Variants in LSP1 observed in about 807,000 individuals in gnomAD.
The protein encoded by LSP1 is lymphocyte-specific protein 1.
LSP1 carries 32 observed loss-of-function variants against 49.3 expected under a neutral mutation model. The ratio of observed to expected loss-of-function variants is 0.65; its 90% CI spans 0.49 to 0.87. The LOEUF (loss-of-function observed/expected upper bound fraction) is 0.87. LSP1 is among the 40% of genes least tolerant of loss of function. LSP1 has a pLI of 0.00. For synonymous variants in LSP1, 179 were observed against 178.8 expected, an observed-to-expected ratio of 1.00 and a Z score of -0.01; for missense variants, 428 against 442.6, an observed-to-expected ratio of 0.97 and a Z score of 0.30.
intron 10 of LSP1, chr11:1,890,849 G>T (rs1848969856): frequency 3.9e-6 from 2 of 518,784 alleles, no homozygotes; most frequent in Admixed American, 3.2e-5. Context: ...GCTAGAACCT[G>T]CCTCCAGGGC....
At chr11:1,872,878 C>T (rs1203604562) in intron 1 of LSP1, among the ~76,000 whole-genome samples, 2 of 152,038 alleles carry the variant, frequency 1.3e-5, no homozygotes, top group Non-Finnish European at 1.5e-5. Flanking sequence ...TCAGGGCCCT[C>T]ATGCAGCACT....
chr11:1,854,750 G>A (rs893887676), intron 1 of LSP1, among the ~76,000 whole-genome samples: 6 of 152,150 alleles, frequency 3.9e-5, no homozygotes, highest in African/African-American at 1.4e-4. Flanking sequence ...TGTCCCAGCT[G>A]CAAAACGGGC....
intron 1 of LSP1, among the ~76,000 whole-genome samples, chr11:1,864,751 C>T (rs1196360121): frequency 6.6e-6 from 1 of 151,734 alleles, no homozygotes. Context: ...GACACAGGGA[C>T]CAGGCTGCCT....
At chr11:1,871,967 C>CCT (rs1848035529) in intron 1 of LSP1, among the ~76,000 whole-genome samples, 1 of 115,464 alleles carries the variant, frequency 8.7e-6, no homozygotes, top group Admixed American at 9.2e-5. Context: ...GTCACCCTGG[C>CCT]GCACGCTGGT....
chr11:1,883,619 T>G (rs1848639850), intron 4 of LSP1, 59 bp downstream of exon 4: 1 of 1,543,958 alleles, frequency 6.5e-7, no homozygotes, highest in African/African-American at 1.4e-5. Flanking sequence ...GAGTCTGCCT[T>G]GGCTGTCTGC....
chr11:1,884,203 G>T lies in LSP1; in HGVS notation c.592-77G>T. On this transcript the variant is annotated intron_variant, in intron 5 of 10. Transcript: ENST00000311604. The surrounding 1 kb of genome is among the most constrained non-coding windows in gnomAD (Gnocchi z 4.1). ...ATAAGGGTTGGGGGTTGGATTAGTGGTTGGAGTAGCTGGGGAGATGGAGGG... is the reference window on the plus strand; with the variant it reads ...ATAAGGGTTGGGGGTTGGATTAGTGTTTGGAGTAGCTGGGGAGATGGAGGG... 1 of 1,557,890 alleles carries T rather than the reference G, an allele frequency of 6.4e-7. No homozygotes were observed. The highest frequency in any genetic ancestry group is 1.7e-5 in the Admixed American group (1 of 59,926).
intron 1 of LSP1, chr11:1,871,529 G>C (rs1848008281): frequency 1.1e-6 from 1 of 951,246 alleles, no homozygotes; most frequent in Non-Finnish European, 1.3e-6. Context: ...GGGAAGCCAG[G>C]GGTAGAGGGG....
At chr11:1,853,346 G>A (rs1039060253) in intron 1 of LSP1, 149 bp downstream of exon 1, 25 of 794,052 alleles carry the variant, frequency 3.1e-5, no homozygotes, top group Middle Eastern at 2.9e-4. Flanking sequence ...GGAAACTGGG[G>A]ACCCACAGAC....
chr11:1,887,195 C>T (rs1245824702), intron 8 of LSP1, 42 bp from the exon 9 acceptor site: 2 of 1,394,874 alleles, frequency 1.4e-6, no homozygotes, highest in Admixed American at 2.0e-5. Context: ...TCCCCAAGAT[C>T]CAGGGGTCTG....
chr11:1,883,868 G>T, intron 4 of LSP1, 64 bp from the exon 5 acceptor site: 4 of 1,427,960 alleles, frequency 2.8e-6, no homozygotes, highest in Non-Finnish European at 3.8e-6. Context: ...TCCCACAGGT[G>T]CTGGGCAGGG....
intron 7 of LSP1, among the ~76,000 whole-genome samples, chr11:1,885,417 A>G (rs1174581978): frequency 6.6e-6 from 1 of 150,480 alleles, no homozygotes; most frequent in Non-Finnish European, 1.5e-5. Flanking sequence ...TCCAATCAAT[A>G]CCCCTATTCA....
chr11:1,856,615 G>T (rs994727467), intron 1 of LSP1, among the ~76,000 whole-genome samples: 2 of 152,214 alleles, frequency 1.3e-5, no homozygotes, highest in African/African-American at 4.8e-5. Flanking sequence ...CTCTGGCAGG[G>T]TTCCTTCTGG....
chr11:1,864,954 C>G (rs372887321), intron 1 of LSP1, among the ~76,000 whole-genome samples: 2 of 152,014 alleles, frequency 1.3e-5, no homozygotes, highest in East Asian at 3.9e-4. Context: ...GAACACCAGA[C>G]AGAGAGAAGG....
intron 1 of LSP1, among the ~76,000 whole-genome samples, chr11:1,874,599 G>C (rs1848229239): frequency 6.6e-6 from 1 of 152,128 alleles, no homozygotes; most frequent in African/African-American, 2.4e-5. Context: ...CTGGTGACCA[G>C]AGCACTTTGC....
intron 1 of LSP1, among the ~76,000 whole-genome samples, chr11:1,862,755 A>G (rs61868767): frequency 1.4e-4 from 20 of 145,668 alleles, no homozygotes; most frequent in African/African-American, 3.9e-4. Flanking sequence ...TACCTCCCCT[A>G]GGTAATCTCG....
intron 10 of LSP1, chr11:1,888,925 G>A: frequency 2.1e-6 from 1 of 479,424 alleles, no homozygotes; most frequent in Non-Finnish European, 3.7e-6. Context: ...CTGCAGCCCA[G>A]GGGCTCCAGC....
chr11:1,860,409 G>A (rs1301810951), intron 1 of LSP1, among the ~76,000 whole-genome samples: 1 of 151,946 alleles, frequency 6.6e-6, no homozygotes, highest in Non-Finnish European at 1.5e-5. Context: ...TGAATGGGTT[G>A]GATGGACTCA....
intron 10 of LSP1, chr11:1,890,013 T>C (rs1403625463): frequency 4.2e-5 from 28 of 671,778 alleles, no homozygotes; most frequent in Non-Finnish European, 6.9e-5. Flanking sequence ...AGGGGTCCCA[T>C]TGTGTGGGGA....
At chr11:1,856,758 C>T (rs1165038849) in intron 1 of LSP1, among the ~76,000 whole-genome samples, 1 of 152,224 alleles carries the variant, frequency 6.6e-6, no homozygotes, top group East Asian at 1.9e-4. Context: ...GCAGCCAGGC[C>T]CTTGGGCAGC....
Sources: gnomAD v4.1 joint callset for allele counts (sites outside exome capture counted in the v4.1 genomes callset) on GRCh38, gnomAD v4.1.1 for gene constraint, Gnocchi (gnomAD v3.1) non-coding constraint, MANE v1.5 for transcripts, NCBI Gene and HGNC (gene_info 2026-07-23, HGNC 2026-07-21) for gene names.